MORC2: variants seen among roughly 807,000 people sequenced by gnomAD.
MORC2 encodes ATPase MORC2.
A neutral mutation model predicts 136.0 loss-of-function variants in MORC2; 30 were observed. The observed-to-expected ratio is 0.22, with a 90% CI of 0.17 to 0.30. The LOEUF (loss-of-function observed/expected upper bound fraction) is 0.30, where lower values mean the gene tolerates loss of function less well. Among genes scored for constraint, MORC2 ranks in the 10% least tolerant of loss-of-function variants. The probability of loss-of-function intolerance (pLI) is 1.00; values close to 1 mark genes in which losing one functional copy is unlikely to be tolerated. For missense variants in MORC2, 922 were observed against 1,333.1 expected, an observed-to-expected ratio of 0.69 and a Z score of 4.80; for synonymous variants, 439 against 487.0, an observed-to-expected ratio of 0.90 and a Z score of 1.30.
At chr22:30,931,990 G>A (rs756759010) in intron 24 of MORC2, among the ~76,000 whole-genome samples, 4 of 152,256 alleles carry the variant, frequency 2.6e-5, no homozygotes, top group African/African-American at 4.8e-5. Context: ...TGCACTTCGA[G>A]CCTCAGCTCT....
Position 30,934,201 on chromosome 22 carries a change from G to C in MORC2, c.2194-10C>G. The C allele has an allele frequency of 6.2e-7, 1 of 1,614,096 alleles. No individual in the cohort carries two copies. Among genetic ancestry groups the C allele is most frequent in the Non-Finnish European group, 8.5e-7 (1 of 1,179,970 alleles). On this transcript the variant is annotated splice_polypyrimidine_tract_variant and intron_variant, in intron 19 of 25. Transcript: ENST00000397641. This position sits in a 1 kb window ranked among gnomAD's most constrained non-coding sequence, Gnocchi z 4.4. Reference sequence around the variant, plus strand: ...TCCGACTAGGGGTAGCCTAGAGCAAGAGGAGCGTGAGGATGTGAGGGGCCC... The same window carrying C: ...TCCGACTAGGGGTAGCCTAGAGCAACAGGAGCGTGAGGATGTGAGGGGCCC...
intron 1 of MORC2, chr22:30,967,224 C>T (rs1466754146): frequency 1.0e-6 from 1 of 986,062 alleles, no homozygotes; most frequent in Non-Finnish European, 1.2e-6. Context: ...ACCATGAACA[C>T]TGTATGTTTC....
intron 17 of MORC2, 84 bp downstream of exon 17, chr22:30,936,427 G>A: frequency 1.9e-6 from 3 of 1,554,676 alleles, no homozygotes; most frequent in Non-Finnish European, 2.6e-6. Context: ...TGAGCCTGAG[G>A]GAACAGGAAA....
chr22:30,958,768 A>T, intron 1 of MORC2, 74 bp from the exon 2 acceptor site: 1 of 1,347,336 alleles, frequency 7.4e-7, no homozygotes, highest in Non-Finnish European at 1.0e-6. Flanking sequence ...CCATGGTTAT[A>T]AAATATTTAA....
At chr22:30,965,596 AAAT>A (rs920761061) in intron 1 of MORC2, among the ~76,000 whole-genome samples, 3 of 152,230 alleles carry the variant, frequency 2.0e-5, no homozygotes, top group African/African-American at 7.2e-5. Flanking sequence ...AGAGCTTCCA[AAAT>A]GATACTCCAA....
At chr22:30,946,515 A>G in intron 5 of MORC2, 66 bp from the exon 6 acceptor site, 1 of 1,399,400 alleles carries the variant, frequency 7.1e-7, no homozygotes, top group South Asian at 1.3e-5. Context: ...AAAAGAAATC[A>G]ATCCACTCTG....
intron 5 of MORC2, among the ~76,000 whole-genome samples, chr22:30,948,035 A>G (rs1457126960): frequency 6.6e-6 from 1 of 152,198 alleles, no homozygotes; most frequent in African/African-American, 2.4e-5. Context: ...CTTCCACTGA[A>G]ATACGCTAAT....
chr22:30,955,083 C>T (rs780234768), intron 3 of MORC2, among the ~76,000 whole-genome samples: 2 of 151,840 alleles, frequency 1.3e-5, no homozygotes, highest in African/African-American at 2.4e-5. Context: ...TTCAGCCTCC[C>T]GAGTAGCTGG....
chr22:30,967,412 T>C (rs1327309954), intron 1 of MORC2: 1 of 987,608 alleles, frequency 1.0e-6, no homozygotes, highest in Non-Finnish European at 1.2e-6. Flanking sequence ...TGTTTTCTTG[T>C]TAGAAAGTAA....
At chr22:30,940,225 G>T (rs1014797312) in intron 10 of MORC2, among the ~76,000 whole-genome samples, 184 bp from the exon 11 acceptor site, 1 of 151,774 alleles carries the variant, frequency 6.6e-6, no homozygotes, top group African/African-American at 2.4e-5. Flanking sequence ...AGTCACAGAA[G>T]GAAAATCTGG....
chr22:30,938,782 G>T (rs1382946389), intron 12 of MORC2, among the ~76,000 whole-genome samples: 2 of 152,086 alleles, frequency 1.3e-5, no homozygotes, highest in African/African-American at 4.8e-5. Flanking sequence ...TGTTAGCCAG[G>T]ATGGTCTCGA....
At chr22:30,933,720 A>C (rs1375948783) in intron 20 of MORC2, among the ~76,000 whole-genome samples, 200 bp from the exon 21 acceptor site, 1 of 152,214 alleles carries the variant, frequency 6.6e-6, no homozygotes, top group Non-Finnish European at 1.5e-5. Context: ...CGAACAAGAC[A>C]GCAGGCAAGG....
In MORC2 at chr22:30,939,977, G is replaced by T. The variant is rs199973357; in HGVS notation, c.969C>A (p.Asp323Glu). The T allele has an allele frequency of 2.3e-4, 369 of 1,613,878 alleles. No homozygotes were observed. The highest frequency in any genetic ancestry group is 2.9e-4 in the Non-Finnish European group (340 of 1,180,030). Residue 323 changes from aspartate (D) to glutamate (E), a missense_variant, in exon 11 of 26, where the codon GAC becomes GAA. This residue lies in a region of MORC2 where 261 missense variants were observed against 354.3 expected (regional missense o/e 0.74). Coordinates refer to ENST00000397641, the MANE Select transcript of MORC2 (RefSeq NM_001303256.3). ...ACCTTACCCTGGAGTCCCGCGTGAG[G>T]TCTCCACCTAGGCGTACTTCTAATG... ...ARTLEVRLGG[D>E]LTRDSRVMLR...
rs1349107983 is a variant in MORC2 at position 30,932,387 on chromosome 22, T to C, written c.2813A>G (p.Asn938Ser). Residue 938 changes from asparagine (N) to serine (S), a missense_variant, in exon 24 of 26, where the codon AAT becomes AGT. Physicochemically the swap from Asn to Ser is conservative, Grantham distance 46 (BLOSUM62 1). Coordinates refer to ENST00000397641, the MANE Select transcript of MORC2 (RefSeq NM_001303256.3). This position sits in a 1 kb window ranked among gnomAD's most constrained non-coding sequence, Gnocchi z 4.4. ...PISKKQLSAM[N>S]SDELISFPLK... is the part of the protein sequence containing the mutation. ...AGGAAAAGATATTAGCTCATCTGAA[T>C]TCATAGCACTCAGCTGCTTCTTGGA... is the stretch of plus-strand genomic sequence containing the variant. 6.2e-7 allele frequency: 1 copy of C among 1,614,072 alleles called. No homozygotes were observed. The highest frequency in any genetic ancestry group is 2.2e-5 in the East Asian group (1 of 44,884).
chr22:30,942,261 G>T lies in MORC2; in HGVS notation c.437C>A (p.Pro146Gln). The T allele has an allele frequency of 6.2e-7, 1 of 1,611,030 alleles. No homozygotes were observed. The change falls in exon 7 of 26, where the codon CCA (proline) becomes CAA (glutamine). Residue 146 changes from proline to glutamine, a missense_variant. This residue lies in a region of MORC2 where 261 missense variants were observed against 354.3 expected (regional missense o/e 0.74). Transcript: ENST00000397641. ...EEEGIDEVIV[P>Q]LPTWNARTRE... The stretch of plus-strand genomic sequence containing the variant: ...GGTCCGAGCATTCCAGGTGGGCAGT[G>T]GGACTATCACCTGTGGAGTAAACAT...
chr22:30,930,876 A>G (rs2040566229), intron 24 of MORC2, among the ~76,000 whole-genome samples: 2 of 152,218 alleles, frequency 1.3e-5, no homozygotes, highest in African/African-American at 2.4e-5. Context: ...CACAATGCAC[A>G]TCACCAGAAA....
At position 30,937,622 on chromosome 22, in the gene MORC2, G is replaced by A. The variant is rs780264849; in HGVS notation, c.1459C>T (p.Arg487Cys). The change falls in exon 15 of 26, where the codon CGC (arginine) becomes TGC (cysteine). Residue 487 changes from arginine (R) to cysteine (C), a missense_variant. By Grantham distance (180) the Arg-to-Cys change is radical. Transcript: ENST00000397641. This position sits in a 1 kb window ranked among gnomAD's most constrained non-coding sequence, Gnocchi z 4.7. ...GTGGGGATTTCCATAGCTCTCCGGC[G>A]TTTGTAACGCAGCTCACTGGATGGG... ...QPPSSELRYKRRRAMEIPTTI... is the reference protein window; with the variant it reads ...QPPSSELRYKCRRAMEIPTTI... 6 of 1,613,516 alleles carry A rather than the reference G, an allele frequency of 3.7e-6. No individual in the cohort carries two copies. Among genetic ancestry groups the A allele is most frequent in the Middle Eastern group, 3.5e-4 (2 of 5,656 alleles).
intron 21 of MORC2, 149 bp from the exon 22 acceptor site, chr22:30,933,179 G>A (rs1266564412): frequency 8.1e-7 from 1 of 1,229,540 alleles, no homozygotes; most frequent in Non-Finnish European, 1.1e-6. Context: ...CAGAGACCAG[G>A]GACCAGCCAC....
rs540198858 is a variant in MORC2 at position 30,925,291 on chromosome 22, A to G, written c.*1512T>C. 18 of 289,962 alleles carry G rather than the reference A, an allele frequency of 6.2e-5. No individual in the cohort carries two copies. Among genetic ancestry groups the G allele is most frequent in the South Asian group, 5.5e-4 (17 of 30,756 alleles). 18.0% of individuals were successfully genotyped at this position (289,962 alleles called of 1,614,324 possible). A position where few individuals can be genotyped will look rare whatever the true frequency, so the allele number is the denominator to read the frequency against. ...AGTGGACCCCATGCTGCCTGAGATG[A>G]AGAGAGAGAGCAGGATGGCAGAGGA... On this transcript the variant is annotated 3_prime_UTR_variant, in exon 26 of 26. Coordinates refer to ENST00000397641, the MANE Select transcript of MORC2 (RefSeq NM_001303256.3).
Sources: gnomAD v4.1 joint callset for allele counts (sites outside exome capture counted in the v4.1 genomes callset) on GRCh38, gnomAD v4.1.1 for gene constraint, gnomAD v4.1.1 regional missense constraint, Gnocchi (gnomAD v3.1) non-coding constraint, MANE v1.5 for transcripts, NCBI Gene and HGNC (gene_info 2026-07-23, HGNC 2026-07-21) for gene names.